Variants in SACS observed in about 807,000 individuals in gnomAD.
SACS encodes sacsin molecular chaperone, also known as sacsin.
A neutral mutation model predicts 348.0 loss-of-function variants in SACS; 197 were observed. The ratio of observed to expected loss-of-function variants is 0.57; its 90% CI spans 0.50 to 0.64. The LOEUF (loss-of-function observed/expected upper bound fraction) is 0.64. SACS is among the 30% of genes least tolerant of loss of function. The pLI is 0.00. For missense variants in SACS, 4,999 were observed against 5,360.8 expected (o/e 0.93, Z 2.11); for synonymous variants, 1,985 against 1,910.6 (o/e 1.04, Z -1.02).
At position 23,336,714 on chromosome 13, in the gene SACS, T is replaced by C; in HGVS notation, c.7162A>G (p.Thr2388Ala). The change falls in exon 10 of 10, where the codon ACC becomes GCC. Residue 2388 changes from threonine to alanine, a missense_variant. By Grantham distance (58) the Thr-to-Ala change is moderately conservative (BLOSUM62 0). Coordinates refer to ENST00000382292, the MANE Select transcript of SACS (RefSeq NM_014363.6). ...GTGCATGACTGCCTCACACCCACGG[T>C]TTCAAAAAGTTCGCGGAAATTATTT... Reference protein sequence around the residue: ...YKNNFRELFETVGVRQSCTVE... With the variant: ...YKNNFRELFEAVGVRQSCTVE... 6.2e-7 allele frequency: 1 copy of C among 1,613,806 alleles called. No homozygotes were observed. The highest frequency in any genetic ancestry group is 1.6e-4 in the Middle Eastern group (1 of 6,062).
chr13:23,338,732 T>C lies in SACS; in HGVS notation c.5144A>G (p.Lys1715Arg). The C allele has an allele frequency of 6.2e-7, 1 of 1,607,972 alleles. No individual in the cohort carries two copies. The highest frequency in any genetic ancestry group is 8.5e-7 in the Non-Finnish European group (1 of 1,177,922). ...PSLAQDTVII[K>R]KKSCSSKALN... ...TGCTTTGGAAGAGCAGGATTTTTTT[T>C]TAATTATTACTGTATCTTGTGCTAA... Residue 1715 changes from lysine to arginine, a missense_variant, in exon 10 of 10, where the codon AAA becomes AGA. Physicochemically the swap from Lys to Arg is conservative, Grantham distance 26. This residue lies in a region of SACS where 3,156 missense variants were observed against 3,380.1 expected (regional missense o/e 0.93). Coordinates refer to ENST00000382292, the MANE Select transcript of SACS (RefSeq NM_014363.6).
intron 5 of SACS, among the ~76,000 whole-genome samples, chr13:23,366,513 A>T (rs1033416926): frequency 1.2e-4 from 19 of 152,222 alleles, no homozygotes; most frequent in African/African-American, 4.3e-4. Context: ...AATCTTATTT[A>T]CATTAGGATA....
Position 23,341,076 on chromosome 13 carries a change from A to C in SACS, c.2800T>G (p.Ser934Ala). 1 of 1,614,074 alleles carries C rather than the reference A, an allele frequency of 6.2e-7. No individual in the cohort carries two copies. Among genetic ancestry groups the C allele is most frequent in the Non-Finnish European group, 8.5e-7 (1 of 1,180,002 alleles). ...GTATAAGAGGAAATTCCCTGATCAG[A>C]AGAATGGTTAATGCGCTTGAATATT... ...LAIFKRINHS[S>A]DQGISSYTKL... The change falls in exon 10 of 10, where the codon TCT (serine) becomes GCT (alanine). Residue 934 changes from serine to alanine, a missense_variant. Transcript: ENST00000382292.
chr13:23,375,426 ACCGCGTCCACAGGCC>A (rs1871707809), intron 2 of SACS, 157 bp from the exon 3 acceptor site: 1 of 1,197,770 alleles, frequency 8.3e-7, no homozygotes, highest in Non-Finnish European at 1.0e-6. Context: ...GGCCGGCCCT[ACCGCGTCCACAGGCC>A]CCGCGCGGGC....
At chr13:23,403,487 A>G (rs896102506) in intron 2 of SACS, among the ~76,000 whole-genome samples, 3 of 152,130 alleles carry the variant, frequency 2.0e-5, no homozygotes, top group Non-Finnish European at 4.4e-5. Flanking sequence ...GGGAGGGTGT[A>G]TATGTCCAGG....
chr13:23,330,716 A>C lies in SACS; in HGVS notation c.13160T>G (p.Phe4387Cys). ...RRTFSTSASR[F>C]QSDKYSFQRF... ...CTGAAATGAGTATTTGTCTGACTGA[A>C]ATCGGGATGCTGAGGTTGAAAATGT... The change falls in exon 10 of 10, where the codon TTT becomes TGT. Residue 4387 changes from phenylalanine (F) to cysteine (C), a missense_variant. Coordinates refer to ENST00000382292, the MANE Select transcript of SACS (RefSeq NM_014363.6). 1 of 1,614,078 alleles carries C rather than the reference A, an allele frequency of 6.2e-7. No individual in the cohort carries two copies. Among genetic ancestry groups the C allele is most frequent in the East Asian group, 2.2e-5 (1 of 44,888 alleles).
intron 5 of SACS, among the ~76,000 whole-genome samples, chr13:23,366,384 G>A (rs183518610): frequency 5.9e-5 from 9 of 152,214 alleles, no homozygotes; most frequent in East Asian, 3.9e-4. Context: ...CAGCTAAGTC[G>A]TGCCTCCTGC....
chr13:23,412,101 T>C (rs1457519821), intron 1 of SACS, among the ~76,000 whole-genome samples: 1 of 151,858 alleles, frequency 6.6e-6, no homozygotes, highest in African/African-American at 2.4e-5. Flanking sequence ...CTACTAAAAA[T>C]ACAAAAAATT....
Position 23,339,761 on chromosome 13 carries a change from G to A in SACS, c.4115C>T (p.Pro1372Leu), listed in dbSNP as rs761081014. ...IIRWLYSNQIPASPNTPVPIH... is the reference protein window; with the variant it reads ...IIRWLYSNQILASPNTPVPIH... ...AGGAACTGGTGTGTTGGGGCTTGCTGGAATCTGATTGCTATACAGCCATCT... is the reference window on the plus strand; with the variant it reads ...AGGAACTGGTGTGTTGGGGCTTGCTAGAATCTGATTGCTATACAGCCATCT... Residue 1372 changes from proline to leucine, a missense_variant, in exon 10 of 10, where the codon CCA (proline) becomes CTA (leucine). Pro to Leu is a moderately conservative substitution (Grantham distance 98). Around this residue, in one of 6 missense-constraint regions of SACS, gnomAD observed 3,156 missense variants for 3,380.1 expected, o/e 0.93. Transcript: ENST00000382292. 10 of 1,614,104 alleles carry A rather than the reference G, an allele frequency of 6.2e-6. No individual in the cohort carries two copies. Among genetic ancestry groups the A allele is most frequent in the South Asian group, 2.2e-5 (2 of 91,064 alleles).
At chr13:23,374,973 C>T (rs2137838525) in intron 3 of SACS, 146 bp downstream of exon 3, 2 of 747,386 alleles carry the variant, frequency 2.7e-6, no homozygotes, top group East Asian at 3.6e-5. Context: ...TGATGAAAAG[C>T]CACAACTCAG....
rs542660136 is a variant in SACS, at chr13:23,423,464, T to A, written c.-502+10151A>T. 3.2e-4 allele frequency among the ~76,000 whole-genome samples: 49 copies of A among 152,368 alleles called. 1 individual carries two copies. The South Asian group carries it at 9.1e-3, about 28-fold the overall frequency. On this transcript the variant is annotated intron_variant, in intron 1 of 9. Coordinates refer to ENST00000382292, the MANE Select transcript of SACS (RefSeq NM_014363.6). The stretch of plus-strand genomic sequence containing the variant: ...ATCTATGTGCGAAGAAGCTTTAGGA[T>A]GCACTGTTTTATATCACTGAATGGA...
At chr13:23,351,835 C>A (rs1869978252) in intron 9 of SACS, among the ~76,000 whole-genome samples, 1 of 152,108 alleles carries the variant, frequency 6.6e-6, no homozygotes, top group Non-Finnish European at 1.5e-5. Flanking sequence ...TCTAGTGTCA[C>A]AATGCCAAGA....
Position 23,338,862 on chromosome 13 carries a change from G to A in SACS, c.5014C>T (p.Leu1672Phe). Residue 1672 changes from leucine to phenylalanine, a missense_variant, in exon 10 of 10, where the codon CTT becomes TTT. Physicochemically the swap from Leu to Phe is conservative, Grantham distance 22. Coordinates refer to ENST00000382292, the MANE Select transcript of SACS (RefSeq NM_014363.6). ...CCACAGAGACTAAATTCATCCACAA[G>A]AGAATAAATATCTGCTGTATTGTAG... ...TCYNTADIYS[L>F]VDEFSLCGHR... 6.2e-7 allele frequency: 1 copy of A among 1,613,000 alleles called. No homozygotes were observed. The highest frequency in any genetic ancestry group is 8.5e-7 in the Non-Finnish European group (1 of 1,179,810).
In SACS at chr13:23,355,878, T is replaced by C. The variant is rs759080255; in HGVS notation, c.734A>G (p.Asp245Gly). ...AATGCCAACAAATGGTGCAAACTGG[T>C]CTGAAAGTTCACTAATTTCTTTGCT... ...DDSKEISELS[D>G]QFAPFVGIFG... The change falls in exon 8 of 10, where the codon GAC becomes GGC. Residue 245 changes from aspartate to glycine, a missense_variant. Physicochemically the swap from Asp to Gly is moderately conservative, Grantham distance 94. Coordinates refer to ENST00000382292, the MANE Select transcript of SACS (RefSeq NM_014363.6). 2.5e-6 allele frequency: 4 copies of C among 1,614,194 alleles called. No homozygotes were observed. Among genetic ancestry groups the C allele is most frequent in the East Asian group, 2.2e-5 (1 of 44,876 alleles).
Position 23,333,653 on chromosome 13 carries a change from T to A in SACS, c.10223A>T (p.Lys3408Met), listed in dbSNP as rs1183422382. ...GATGGATTTATAGCACGGAAGTGAC[T>A]TTAGAATTTTTATATCATCTTGGGA... ...LMSQDDIKIL[K>M]SLPCYKSISG... The change falls in exon 10 of 10, where the codon AAG becomes ATG. Residue 3408 changes from lysine (K) to methionine (M), a missense_variant. By Grantham distance (95) the Lys-to-Met change is moderately conservative. This residue lies in a region of SACS where 734 missense variants were observed against 694.0 expected (regional missense o/e 1.06). Transcript: ENST00000382292. 6.2e-7 allele frequency: 1 copy of A among 1,613,698 alleles called. No homozygotes were observed. Among genetic ancestry groups the A allele is most frequent in the Non-Finnish European group, 8.5e-7 (1 of 1,179,770 alleles).
chr13:23,360,202 T>G (rs1201925459), intron 6 of SACS, among the ~76,000 whole-genome samples: 1 of 152,160 alleles, frequency 6.6e-6, no homozygotes, highest in Non-Finnish European at 1.5e-5. Context: ...ACATCAGCTA[T>G]CATTACTGTT....
intron 4 of SACS, among the ~76,000 whole-genome samples, chr13:23,368,908 C>G (rs577854802): frequency 1.9e-4 from 29 of 152,176 alleles, no homozygotes; most frequent in Non-Finnish European, 2.9e-4. Flanking sequence ...ACCATGTTAG[C>G]CAGGATGGTC....
Position 23,337,217 on chromosome 13 carries a change from G to C in SACS, c.6659C>G (p.Thr2220Arg), listed in dbSNP as rs1368459843. The C allele has an allele frequency of 1.2e-6, 2 of 1,613,958 alleles. No individual in the cohort carries two copies. Among genetic ancestry groups the C allele is most frequent in the Non-Finnish European group, 1.7e-6 (2 of 1,179,906 alleles). Residue 2220 changes from threonine to arginine, a missense_variant, in exon 10 of 10, where the codon ACA becomes AGA. Transcript: ENST00000382292. ...GTCCAAAGAAAAACCTGCTGGTTTTGTCAGAAATGGAAGGAAGCGGATTGT... is the reference window on the plus strand; with the variant it reads ...GTCCAAAGAAAAACCTGCTGGTTTTCTCAGAAATGGAAGGAAGCGGATTGT... ...YQTIRFLPFL[T>R]KPAGFSLDWK...
chr13:23,333,418 T>G lies in SACS; in HGVS notation c.10458A>C (p.Glu3486Asp), dbSNP rs768411289. Residue 3486 changes from glutamate (E) to aspartate (D), a missense_variant, in exon 10 of 10, where the codon GAA becomes GAC. Glu to Asp is a conservative substitution (Grantham distance 45, BLOSUM62 2). Transcript: ENST00000382292. ...VYLKHLLPKIENLSYDAKLEH... is the reference protein window; with the variant it reads ...VYLKHLLPKIDNLSYDAKLEH... ...CTAATTTTGCATCATAAGAGAGATT[T>G]TCAATTTTTGGTAAGAGGTGTTTCA... The G allele has an allele frequency of 6.2e-7, 1 of 1,610,218 alleles. No individual in the cohort carries two copies. The highest frequency in any genetic ancestry group is 1.1e-5 in the South Asian group (1 of 90,234).
Sources: allele counts gnomAD v4.1 joint callset (sites outside exome capture counted in the v4.1 genomes callset), GRCh38; gene constraint gnomAD v4.1.1; regional missense constraint gnomAD v4.1.1; transcripts MANE v1.5; gene names NCBI Gene and HGNC (gene_info 2026-07-23, HGNC 2026-07-21).